TBC1D12: variants seen among roughly 807,000 people sequenced by gnomAD.
The protein encoded by TBC1D12 is TBC1 domain family, member 12.
A neutral mutation model predicts 86.7 loss-of-function variants in TBC1D12; 56 were observed. That is an observed-to-expected ratio of 0.65 (90% CI 0.52 to 0.81). TBC1D12 has a LOEUF of 0.81. Ranked by LOEUF, TBC1D12 falls within the 30% of genes least tolerant of loss-of-function variation. The pLI is 0.00. For missense variants in TBC1D12, 1,023 were observed against 1,038.8 expected (o/e 0.98, Z 0.21); for synonymous variants, 421 against 411.7 (o/e 1.02, Z -0.27).
At position 94,449,687 on chromosome 10, in the gene TBC1D12, G is replaced by A. The variant is rs115031657; in HGVS notation, c.1095+7668G>A. On this transcript the variant is annotated intron_variant, in intron 2 of 12. Transcript: ENST00000225235. ...TGTGGTTTAACACTAACCCCTTTAA[G>A]GGGAGTGTTCCTACTGTCCATTGAA... Among the ~76,000 whole-genome samples, 1,156 of 152,318 alleles carry A rather than the reference G, an allele frequency of 7.6e-3. 16 individuals carry two copies. Among genetic ancestry groups the A allele is most frequent in the African/African-American group, 0.027 (1,105 of 41,574 alleles).
chr10:94,489,954 A>G (rs2056224237), intron 3 of TBC1D12, among the ~76,000 whole-genome samples: 1 of 152,186 alleles, frequency 6.6e-6, no homozygotes, highest in South Asian at 2.1e-4. Context: ...AGTTTGAAAT[A>G]TTGCAAGAAT....
intron 2 of TBC1D12, among the ~76,000 whole-genome samples, chr10:94,462,206 T>C (rs2055739928): frequency 6.6e-6 from 1 of 152,212 alleles, no homozygotes; most frequent in Admixed American, 6.5e-5. Context: ...TTGTGTAGAA[T>C]TGGTGTTATT....
intron 2 of TBC1D12, among the ~76,000 whole-genome samples, chr10:94,455,139 A>G (rs1372841925): frequency 6.6e-6 from 1 of 151,654 alleles, no homozygotes; most frequent in East Asian, 1.9e-4. Context: ...ATGTTTTATC[A>G]TATGATTTTT....
intron 1 of TBC1D12, among the ~76,000 whole-genome samples, chr10:94,424,337 C>T (rs1269867049): frequency 1.3e-5 from 2 of 152,134 alleles, no homozygotes; most frequent in Admixed American, 6.6e-5. Flanking sequence ...TAGGGAGTTA[C>T]TGAGGATTTG....
At chr10:94,411,355 T>TG (rs569539561) in intron 1 of TBC1D12, among the ~76,000 whole-genome samples, 137 of 152,334 alleles carry the variant, frequency 9.0e-4, no homozygotes, top group African/African-American at 2.6e-3. Context: ...GACCATGAGT[T>TG]ATTTCATGAA....
At chr10:94,459,443 C>T (rs2055687747) in intron 2 of TBC1D12, among the ~76,000 whole-genome samples, 1 of 152,270 alleles carries the variant, frequency 6.6e-6, no homozygotes, top group Admixed American at 6.5e-5. Context: ...CTAGCGGATC[C>T]TGTGCTGGGG....
intron 2 of TBC1D12, among the ~76,000 whole-genome samples, chr10:94,459,811 C>T (rs537277717): frequency 6.6e-5 from 10 of 152,308 alleles, no homozygotes; most frequent in South Asian, 2.1e-4. Flanking sequence ...TTGCCGAGCC[C>T]GCACCCACCC....
intron 2 of TBC1D12, among the ~76,000 whole-genome samples, chr10:94,458,644 T>A (rs888424870): frequency 2.0e-5 from 3 of 152,116 alleles, no homozygotes; most frequent in African/African-American, 7.2e-5. Context: ...TTGCTCCTTC[T>A]GATGTTTGGA....
intron 2 of TBC1D12, among the ~76,000 whole-genome samples, chr10:94,450,399 A>G (rs763971299): frequency 6.6e-6 from 1 of 151,968 alleles, no homozygotes; most frequent in Non-Finnish European, 1.5e-5. Flanking sequence ...GGCAGACAAG[A>G]TGGGGAAAGC....
intron 11 of TBC1D12, among the ~76,000 whole-genome samples, chr10:94,528,072 G>A (rs2134234025): frequency 6.6e-6 from 1 of 151,624 alleles, no homozygotes; most frequent in East Asian, 1.9e-4. Flanking sequence ...GTCTTTTGAG[G>A]TTTTATATAA....
intron 3 of TBC1D12, among the ~76,000 whole-genome samples, chr10:94,491,445 AT>A (rs1254559956): frequency 6.6e-6 from 1 of 152,128 alleles, no homozygotes; most frequent in African/African-American, 2.4e-5. Context: ...TTCTTTTTGC[AT>A]TTTTTATATC....
intron 1 of TBC1D12, among the ~76,000 whole-genome samples, chr10:94,409,149 C>T (rs533981447): frequency 6.6e-6 from 1 of 151,878 alleles, no homozygotes; most frequent in African/African-American, 2.4e-5. Context: ...CTTTTAAAAA[C>T]CCCCCAAAAA....
At chr10:94,476,003 A>G (rs988268086) in intron 3 of TBC1D12, among the ~76,000 whole-genome samples, 1 of 152,018 alleles carries the variant, frequency 6.6e-6, no homozygotes, top group South Asian at 2.1e-4. Flanking sequence ...GCAGTGGCAC[A>G]ATCATAGCTT....
At chr10:94,480,131 T>C (rs1392086252) in intron 3 of TBC1D12, among the ~76,000 whole-genome samples, 1 of 152,212 alleles carries the variant, frequency 6.6e-6, no homozygotes, top group Non-Finnish European at 1.5e-5. Flanking sequence ...AGAGCCGATA[T>C]CCAGTAGTCC....
At chr10:94,472,801 G>T (rs920833504) in intron 2 of TBC1D12, among the ~76,000 whole-genome samples, 10 of 152,126 alleles carry the variant, frequency 6.6e-5, no homozygotes, top group Non-Finnish European at 1.5e-4. Flanking sequence ...ATGGTTCTTT[G>T]AGATGACAGT....
At chr10:94,433,434 T>G (rs890806679) in intron 1 of TBC1D12, among the ~76,000 whole-genome samples, 7 of 152,148 alleles carry the variant, frequency 4.6e-5, no homozygotes, top group African/African-American at 1.7e-4. Context: ...AAGATAATTT[T>G]TAACAGTCCC....
intron 12 of TBC1D12, 117 bp from the exon 13 acceptor site, chr10:94,532,911 C>T (rs1319449214): frequency 1.1e-5 from 6 of 559,052 alleles, no homozygotes; most frequent in South Asian, 5.2e-5. Flanking sequence ...GACACACTTT[C>T]GGGGACAGTG....
intron 1 of TBC1D12, among the ~76,000 whole-genome samples, chr10:94,419,575 A>G (rs2055047757): frequency 6.6e-6 from 1 of 152,102 alleles, no homozygotes; most frequent in African/African-American, 2.4e-5. Flanking sequence ...AGACTGAGGC[A>G]GGAGAATTCC....
intron 9 of TBC1D12, among the ~76,000 whole-genome samples, chr10:94,513,625 G>A (rs776527503): frequency 2.0e-5 from 3 of 152,020 alleles, no homozygotes; most frequent in Non-Finnish European, 4.4e-5. Flanking sequence ...GCGTGATCAT[G>A]ACTTACTATA....
Sources: allele counts gnomAD v4.1 joint callset (sites outside exome capture counted in the v4.1 genomes callset), GRCh38; gene constraint gnomAD v4.1.1; transcripts MANE v1.5; gene names NCBI Gene and HGNC (gene_info 2026-07-23, HGNC 2026-07-21).